The following LYRM7 variants were observed in gnomAD, a reference collection of about 807,000 sequenced individuals.
The protein encoded by LYRM7 is complex III assembly factor LYRM7.
Under a neutral mutation model 15.8 loss-of-function variants are expected in LYRM7, and 9 were observed. The ratio of observed to expected loss-of-function variants is 0.57; its 90% CI spans 0.34 to 0.99. LYRM7 has a LOEUF of 0.99. LYRM7 is among the 50% of genes least tolerant of loss of function. The pLI is 0.02. For synonymous variants in LYRM7, 39 were observed against 39.4 expected (o/e 0.99, Z 0.04); for missense variants, 115 against 119.1 (o/e 0.97, Z 0.16).
intron 2 of LYRM7, 37 bp downstream of exon 2, chr5:131,180,204 T>C (rs763080676): frequency 2.4e-5 from 35 of 1,437,970 alleles, no homozygotes; most frequent in Non-Finnish European, 3.0e-5. Context: ...GCCAGTCTAC[T>C]TTTTAGATAA....
At position 131,181,479 on chromosome 5, in the gene LYRM7, CA is replaced by C. The variant is rs1367351469; in HGVS notation, c.92-749del. The stretch of plus-strand genomic sequence containing the variant: ...AACATATATATGTATATATATATAA[CA>C]TATATATGTATATATACACACACAC... On this transcript the variant is annotated intron_variant, in intron 2 of 4. Transcript: ENST00000379380. Among the ~76,000 whole-genome samples, 3 of 127,118 alleles carry C rather than the reference CA, an allele frequency of 2.4e-5. No homozygotes were observed. The Admixed American group carries it at 2.6e-4, about 11-fold the overall frequency. The allele number at this position is 127,118 out of a possible 152,430, so 83.4% of individuals were successfully genotyped here. A position where few individuals can be genotyped will look rare whatever the true frequency, so the allele number is the denominator to read the frequency against.
intron 2 of LYRM7, among the ~76,000 whole-genome samples, chr5:131,181,302 A>AATATATATATATATAT (rs1561544194): frequency 0.017 from 147 of 8,742 alleles, 5 homozygotes; most frequent in Admixed American, 0.041. Flanking sequence ...AAAAAAAAAA[A>AATATATATATATATAT]ATATATATAT....
Position 131,184,000 on chromosome 5 carries a change from C to T in LYRM7, c.162+1701C>T, listed in dbSNP as rs181628133. 4.8e-3 allele frequency among the ~76,000 whole-genome samples: 735 copies of T among 152,050 alleles called. 6 individuals carry two copies. The highest frequency in any genetic ancestry group is 0.017 in the African/African-American group (717 of 41,462). On this transcript the variant is annotated intron_variant, in intron 3 of 4. Transcript: ENST00000379380. ...TTGTTTTTGTTTTGAGATGGAGTTT[C>T]GCTCTTGTTGCCCAGGCTGGAGTGC... is the stretch of plus-strand genomic sequence containing the variant.
At chr5:131,181,871 A>G (rs932626593) in intron 2 of LYRM7, among the ~76,000 whole-genome samples, 2 of 152,144 alleles carry the variant, frequency 1.3e-5, no homozygotes, top group Admixed American at 1.3e-4. Context: ...ATTGAATTTT[A>G]CCATCTTAAA....
intron 1 of LYRM7, among the ~76,000 whole-genome samples, chr5:131,179,474 T>TTTTTTTTTTTTTC (rs1755656398): frequency 2.1e-4 from 5 of 23,494 alleles, no homozygotes; most frequent in Non-Finnish European, 5.8e-4. Context: ...TTTTTTTTTC[T>TTTTTTTTTTTTTC]TTTTTTTTTT....
At chr5:131,180,203 C>G in intron 2 of LYRM7, 36 bp downstream of exon 2, 1 of 1,450,244 alleles carries the variant, frequency 6.9e-7, no homozygotes, top group Non-Finnish European at 9.7e-7. Flanking sequence ...AGCCAGTCTA[C>G]TTTTTAGATA....
intron 3 of LYRM7, among the ~76,000 whole-genome samples, chr5:131,182,919 C>T (rs1755736673): frequency 6.6e-6 from 1 of 151,862 alleles, no homozygotes; most frequent in Admixed American, 6.6e-5. Context: ...CTATGTCTAA[C>T]TATATAAAGG....
At position 131,175,268 on chromosome 5, in the gene LYRM7, C is replaced by T. The variant is rs543505275; in HGVS notation, c.18+4230C>T. On this transcript the variant is annotated intron_variant, in intron 1 of 4. Transcript: ENST00000379380. ...AGGGCAGAGTGCAGTGGCGCAATCT[C>T]GGCTCACCACAACCCCTGCCTCCCA... Among the ~76,000 whole-genome samples the T allele has an allele frequency of 2.8e-4, 42 of 148,682 alleles. 1 individual carries two copies. The highest frequency in any genetic ancestry group is 1.0e-3 in the African/African-American group (40 of 39,744).
At chr5:131,183,919 A>G (rs1341274907) in intron 3 of LYRM7, among the ~76,000 whole-genome samples, 1 of 152,146 alleles carries the variant, frequency 6.6e-6, no homozygotes, top group Non-Finnish European at 1.5e-5. Context: ...AAAAATAACT[A>G]TTTTTAAAAA....
At position 131,204,467 on chromosome 5, in the gene LYRM7, TACACACACACACACACACACACACACAC is replaced by T. The variant is rs34794118; in HGVS notation, c.*4886_*4913del. 3 of 130,730 alleles carry T rather than the reference TACACACACACACACACACACACACACAC, an allele frequency of 2.3e-5. No homozygotes were observed. The highest frequency in any genetic ancestry group is 5.0e-5 in the Non-Finnish European group (3 of 60,044). 8.1% of individuals were successfully genotyped at this position (130,730 alleles called of 1,614,324 possible). A position where few individuals can be genotyped will look rare whatever the true frequency, so the allele number is the denominator to read the frequency against. On this transcript the variant is annotated 3_prime_UTR_variant, in exon 5 of 5. Transcript: ENST00000379380. ...TTCCAAGAGTTGAAAAGGATGAGGATACACACACACACACACACACACACACACACACACACACACACACACAGTTTGG... is the reference window on the plus strand; with the variant it reads ...TTCCAAGAGTTGAAAAGGATGAGGATACACACACACACACACACAGTTTGG...
intron 4 of LYRM7, among the ~76,000 whole-genome samples, chr5:131,194,619 A>C (rs894981497): frequency 2.6e-5 from 4 of 152,180 alleles, no homozygotes; most frequent in Non-Finnish European, 4.4e-5. Flanking sequence ...CAAGTTCCTC[A>C]TGGAGAAGAG....
chr5:131,184,026 A>G (rs1755754814), intron 3 of LYRM7, among the ~76,000 whole-genome samples: 1 of 152,122 alleles, frequency 6.6e-6, no homozygotes, highest in Non-Finnish European at 1.5e-5. Flanking sequence ...GCTGGAGTGC[A>G]GTGGCATGAT....
At position 131,204,074 on chromosome 5, in the gene LYRM7, A is replaced by G. The variant is rs1756125761; in HGVS notation, c.*4473A>G. 2.6e-5 allele frequency: 4 copies of G among 151,436 alleles called. No homozygotes were observed. Among genetic ancestry groups the G allele is most frequent in the Admixed American group, 2.0e-4 (3 of 15,190 alleles). The allele number at this position is 151,436 out of a possible 1,614,324, so 9.4% of individuals were successfully genotyped here. The stretch of plus-strand genomic sequence containing the variant: ...ACTGTCATATCATTTTTAAAGGAAT[A>G]TAAATTATAGGGCCTTTTGTTTCTT... On this transcript the variant is annotated 3_prime_UTR_variant, in exon 5 of 5. Transcript: ENST00000379380.
chr5:131,203,000 T>C lies in LYRM7; in HGVS notation c.*3399T>C, dbSNP rs1418035244. On this transcript the variant is annotated 3_prime_UTR_variant, in exon 5 of 5. Transcript: ENST00000379380. ...TTTAGTCAAACTGTGTTTAAGTTAG[T>C]TCTTATTTTCCTGTAGATGCATCTC... The C allele has an allele frequency of 6.6e-6, 1 of 152,348 alleles. No individual in the cohort carries two copies. The allele number at this position is 152,348 out of a possible 1,614,324, so 9.4% of individuals were successfully genotyped here.
At chr5:131,196,457 A>C (rs945583368) in intron 4 of LYRM7, among the ~76,000 whole-genome samples, 1 of 152,002 alleles carries the variant, frequency 6.6e-6, no homozygotes, top group Non-Finnish European at 1.5e-5. Context: ...CAAGAAAGTC[A>C]TTGTTTTCCT....
intron 2 of LYRM7, among the ~76,000 whole-genome samples, chr5:131,180,955 G>A (rs1755681236): frequency 6.6e-6 from 1 of 151,860 alleles, no homozygotes; most frequent in Non-Finnish European, 1.5e-5. Flanking sequence ...TAAGCAGTCT[G>A]ATTCAAAAGT....
Position 131,182,256 on chromosome 5 carries a change from T to A in LYRM7, c.119T>A (p.Phe40Tyr). ...EAARIKINEEFKNNKSETSSK... is the reference protein window; with the variant it reads ...EAARIKINEEYKNNKSETSSK... ...GCCAGAATAAAGATAAATGAAGAAT[T>A]CAAAAATAATAAAAGTGAAACTTCT... The change falls in exon 3 of 5, where the codon TTC becomes TAC. Residue 40 changes from phenylalanine to tyrosine, a missense_variant. Phe to Tyr is a conservative substitution (Grantham distance 22). Coordinates refer to ENST00000379380, the MANE Select transcript of LYRM7 (RefSeq NM_181705.4). 1 of 1,437,126 alleles carries A rather than the reference T, an allele frequency of 7.0e-7. No homozygotes were observed. 89.0% of individuals were successfully genotyped at this position (1,437,126 alleles called of 1,614,324 possible). A position where few individuals can be genotyped will look rare whatever the true frequency, so the allele number is the denominator to read the frequency against.
At chr5:131,180,619 G>A (rs1179588419) in intron 2 of LYRM7, among the ~76,000 whole-genome samples, 1 of 152,146 alleles carries the variant, frequency 6.6e-6, no homozygotes, top group Non-Finnish European at 1.5e-5. Context: ...GGAAGTCACA[G>A]GCTCTGAAAC....
Position 131,200,902 on chromosome 5 carries a change from C to G in LYRM7, c.*1301C>G, listed in dbSNP as rs1268552166. 2 of 151,938 alleles carry G rather than the reference C, an allele frequency of 1.3e-5. No homozygotes were observed. Among genetic ancestry groups the G allele is most frequent in the African/African-American group, 4.8e-5 (2 of 41,346 alleles). 9.4% of individuals were successfully genotyped at this position (151,938 alleles called of 1,614,324 possible). A position where few individuals can be genotyped will look rare whatever the true frequency, so the allele number is the denominator to read the frequency against. Reference sequence around the variant, plus strand: ...TTTTCTTTAACCTGAATTCCCTGTTCCATTTTTCATTCATATTAATTTAAA... The same window carrying G: ...TTTTCTTTAACCTGAATTCCCTGTTGCATTTTTCATTCATATTAATTTAAA... On this transcript the variant is annotated 3_prime_UTR_variant, in exon 5 of 5. Coordinates refer to ENST00000379380, the MANE Select transcript of LYRM7 (RefSeq NM_181705.4).
Sources: gnomAD v4.1 joint callset for allele counts (sites outside exome capture counted in the v4.1 genomes callset) on GRCh38, gnomAD v4.1.1 for gene constraint, MANE v1.5 for transcripts, NCBI Gene and HGNC (gene_info 2026-07-23, HGNC 2026-07-21) for gene names.